Variants in DMRT1 observed in about 807,000 individuals in gnomAD.
The protein encoded by DMRT1 is doublesex and mab-3 related transcription factor 1.
DMRT1 carries 7 observed loss-of-function variants against 32.3 expected under a neutral mutation model. That is an observed-to-expected ratio of 0.22 (90% CI 0.12 to 0.41). The LOEUF (loss-of-function observed/expected upper bound fraction) is 0.41. DMRT1 is among the 10% of genes least tolerant of loss of function. The pLI is 1.00. For synonymous variants in DMRT1, 278 were observed against 206.1 expected (o/e 1.35, Z -2.99); for missense variants, 625 against 500.5 (o/e 1.25, Z -2.37).
intron 4 of DMRT1, among the ~76,000 whole-genome samples, chr9:964,720 T>A (rs1414146660): frequency 6.6e-6 from 1 of 152,156 alleles, no homozygotes; most frequent in Admixed American, 6.5e-5. Context: ...TGACGGTGTG[T>A]TGAGCATCTC....
At chr9:960,172 A>G (rs1165580782) in intron 4 of DMRT1, among the ~76,000 whole-genome samples, 2 of 152,202 alleles carry the variant, frequency 1.3e-5, no homozygotes, top group African/African-American at 4.8e-5. Context: ...CTGAAGGCCT[A>G]TACATGATGC....
chr9:933,320 A>G (rs1040715206), intron 4 of DMRT1, among the ~76,000 whole-genome samples: 20 of 152,230 alleles, frequency 1.3e-4, no homozygotes, highest in African/African-American at 4.8e-4. Flanking sequence ...TTAGAATAAA[A>G]GAGGCTTCTA....
intron 4 of DMRT1, among the ~76,000 whole-genome samples, chr9:956,564 A>C (rs76775355): frequency 1.0e-4 from 11 of 108,472 alleles, no homozygotes; most frequent in Admixed American, 9.1e-4. Flanking sequence ...ACCCTGTCTC[A>C]AAAAAAAAAA....
intron 2 of DMRT1, among the ~76,000 whole-genome samples, chr9:860,754 C>G (rs945905719): frequency 1.3e-5 from 2 of 152,176 alleles, no homozygotes; most frequent in Non-Finnish European, 2.9e-5. Flanking sequence ...AGGGAGGCCT[C>G]TCTAAGGAAG....
intron 4 of DMRT1, among the ~76,000 whole-genome samples, chr9:964,865 G>A (rs1201374712): frequency 2.0e-5 from 3 of 152,180 alleles, no homozygotes; most frequent in Non-Finnish European, 4.4e-5. Context: ...AATTTCTAGT[G>A]CTACCAATAC....
intron 2 of DMRT1, among the ~76,000 whole-genome samples, chr9:876,218 A>C (rs550958329): frequency 6.6e-6 from 1 of 152,316 alleles, no homozygotes; most frequent in South Asian, 2.1e-4. Flanking sequence ...GTGAGGCTGC[A>C]GTTTCCAAGT....
chr9:886,066 A>C (rs1264230668), intron 2 of DMRT1, among the ~76,000 whole-genome samples: 2 of 152,246 alleles, frequency 1.3e-5, no homozygotes, highest in Non-Finnish European at 2.9e-5. Flanking sequence ...CAGACTCATT[A>C]AAATGTTTCC....
chr9:906,997 T>A (rs1364849006), intron 3 of DMRT1, among the ~76,000 whole-genome samples: 1 of 152,204 alleles, frequency 6.6e-6, no homozygotes, highest in Non-Finnish European at 1.5e-5. Flanking sequence ...TCTATATTAT[T>A]TCTCAATAGA....
At position 916,786 on chromosome 9, in the gene DMRT1, T is replaced by A. The variant is rs1482792639; in HGVS notation, c.846T>A (p.His282Gln). ...QWQMKNMENR[H>Q]AMSSQYRMHS... ...AGATGAAGAACATGGAGAACCGCCA[T>A]GCAATGAGCTCCCAGTACAGGATGC... The change falls in exon 4 of 5, where the codon CAT (histidine) becomes CAA (glutamine). Residue 282 changes from histidine to glutamine, a missense_variant. His to Gln is a conservative substitution (Grantham distance 24). Coordinates refer to ENST00000382276, the MANE Select transcript of DMRT1 (RefSeq NM_021951.3). 1 of 1,614,226 alleles carries A rather than the reference T, an allele frequency of 6.2e-7. No individual in the cohort carries two copies. Among genetic ancestry groups the A allele is most frequent in the African/African-American group, 1.3e-5 (1 of 75,054 alleles).
At chr9:933,773 C>T (rs1315419075) in intron 4 of DMRT1, among the ~76,000 whole-genome samples, 3 of 152,166 alleles carry the variant, frequency 2.0e-5, no homozygotes, top group Non-Finnish European at 2.9e-5. Flanking sequence ...ATATTTCCAT[C>T]ATCATAGGAA....
chr9:846,964 C>T lies in DMRT1; in HGVS notation c.359C>T (p.Ala120Val), dbSNP rs1296986244. The change falls in exon 2 of 5, where the codon GCC (alanine) becomes GTC (valine). Residue 120 changes from alanine to valine, a missense_variant. Physicochemically the swap from Ala to Val is moderately conservative, Grantham distance 64. Transcript: ENST00000382276. Reference protein sequence around the residue: ...ERQRVMAAQVALRRQQAQEEE... With the variant: ...ERQRVMAAQVVLRRQQAQEEE... Reference sequence around the variant, plus strand: ...CTCATTGTCGTGTGCTTCCAGGTGGCCCTGAGAAGGCAGCAGGCCCAGGAG... The same window carrying T: ...CTCATTGTCGTGTGCTTCCAGGTGGTCCTGAGAAGGCAGCAGGCCCAGGAG... 1 of 1,614,088 alleles carries T rather than the reference C, an allele frequency of 6.2e-7. No individual in the cohort carries two copies. Among genetic ancestry groups the T allele is most frequent in the Non-Finnish European group, 8.5e-7 (1 of 1,180,036 alleles).
chr9:885,564 G>A (rs1327533070), intron 2 of DMRT1, among the ~76,000 whole-genome samples: 3 of 152,318 alleles, frequency 2.0e-5, no homozygotes, highest in East Asian at 1.9e-4. Flanking sequence ...TGCTCTCGAC[G>A]TTGAGCTGCT....
intron 2 of DMRT1, among the ~76,000 whole-genome samples, chr9:862,952 G>A (rs931075718): frequency 6.6e-6 from 1 of 152,008 alleles, no homozygotes; most frequent in African/African-American, 2.4e-5. Flanking sequence ...ATTGAGTCAA[G>A]AGTCTTGAGA....
intron 4 of DMRT1, among the ~76,000 whole-genome samples, chr9:918,074 G>T (rs888235236): frequency 6.6e-6 from 1 of 152,140 alleles, no homozygotes; most frequent in African/African-American, 2.4e-5. Flanking sequence ...GCTCCCTAAG[G>T]ACAAACAACA....
intron 2 of DMRT1, among the ~76,000 whole-genome samples, chr9:866,672 C>T (rs73384470): frequency 0.025 from 3,834 of 152,194 alleles, 158 homozygotes; most frequent in African/African-American, 0.085. Flanking sequence ...AAGTAACAAG[C>T]GGAAGCAATG....
At chr9:938,061 G>C (rs989139401) in intron 4 of DMRT1, among the ~76,000 whole-genome samples, 2 of 152,034 alleles carry the variant, frequency 1.3e-5, no homozygotes, top group South Asian at 4.1e-4. Flanking sequence ...TCTTTGGTAT[G>C]TGGATATCCC....
At chr9:905,131 A>G (rs1243845585) in intron 3 of DMRT1, among the ~76,000 whole-genome samples, 1 of 151,974 alleles carries the variant, frequency 6.6e-6, no homozygotes, top group African/African-American at 2.4e-5. Context: ...ACTTTAGTGG[A>G]TTTTATTTTT....
chr9:914,573 CAAAAAAAAAAAAAA>C (rs34584256), intron 3 of DMRT1, among the ~76,000 whole-genome samples: 1 of 66,166 alleles, frequency 1.5e-5, no homozygotes, highest in South Asian at 9.2e-4. Flanking sequence ...GACTCTGTCT[CAAAAAAAAAAAAAA>C]AAAAAAAAAG....
chr9:873,310 AT>A (rs111862526), intron 2 of DMRT1, among the ~76,000 whole-genome samples: 145 of 144,166 alleles, frequency 1.0e-3, no homozygotes, highest in Admixed American at 9.7e-4. Context: ...TTCTATAAGC[AT>A]TTTTTTTTTT....
Sources: allele counts gnomAD v4.1 joint callset (sites outside exome capture counted in the v4.1 genomes callset), GRCh38; gene constraint gnomAD v4.1.1; transcripts MANE v1.5; gene names NCBI Gene and HGNC (gene_info 2026-07-23, HGNC 2026-07-21).